MYO9B: variants seen among roughly 807,000 people sequenced by gnomAD.
MYO9B encodes unconventional myosin-IXb.
A neutral mutation model predicts 229.5 loss-of-function variants in MYO9B; 71 were observed. The ratio of observed to expected loss-of-function variants is 0.31; its 90% CI spans 0.26 to 0.38. The LOEUF (loss-of-function observed/expected upper bound fraction) is 0.38, where lower values mean the gene tolerates loss of function less well. MYO9B is among the 10% of genes least tolerant of loss of function. The probability of loss-of-function intolerance (pLI) is 1.00; values close to 1 mark genes in which losing one functional copy is unlikely to be tolerated. For missense variants in MYO9B, 2,255 were observed against 2,920.5 expected, an observed-to-expected ratio of 0.77 and a Z score of 5.25; for synonymous variants, 1,185 against 1,235.8, an observed-to-expected ratio of 0.96 and a Z score of 0.86.
At chr19:17,148,339 A>G (rs1323376986) in intron 3 of MYO9B, among the ~76,000 whole-genome samples, 1 of 152,060 alleles carries the variant, frequency 6.6e-6, no homozygotes, top group African/African-American at 2.4e-5. Context: ...CTCTGTATGC[A>G]TTTCCTAGGA....
At chr19:17,184,571 A>T in intron 16 of MYO9B, 1 of 343,662 alleles carries the variant, frequency 2.9e-6, no homozygotes. Context: ...GGCCAGGTTC[A>T]GTAGCACTGG....
chr19:17,154,648 C>T (rs2072518204), intron 6 of MYO9B, among the ~76,000 whole-genome samples: 1 of 152,172 alleles, frequency 6.6e-6, no homozygotes, highest in Non-Finnish European at 1.5e-5. Context: ...CTTAACACTG[C>T]TGAATTGTAC....
chr19:17,125,297 T>TCCCC (rs67309597), intron 2 of MYO9B, among the ~76,000 whole-genome samples: 2 of 99,736 alleles, frequency 2.0e-5, no homozygotes, highest in African/African-American at 4.1e-5. Flanking sequence ...TAAAACCCCA[T>TCCCC]CCCCCCCCCC....
At chr19:17,117,182 C>A (rs187427489) in intron 2 of MYO9B, among the ~76,000 whole-genome samples, 264 of 152,318 alleles carry the variant, frequency 1.7e-3, no homozygotes, top group Non-Finnish European at 1.6e-3. Flanking sequence ...TCGGCGATGT[C>A]AGCCTCAATG....
intron 18 of MYO9B, 109 bp from the exon 19 acceptor site, chr19:17,187,826 G>A (rs532426461): frequency 1.2e-5 from 10 of 850,330 alleles, no homozygotes; most frequent in African/African-American, 3.4e-5. Flanking sequence ...GGCAGTGGTC[G>A]CATGGGGAAG....
intron 11 of MYO9B, among the ~76,000 whole-genome samples, chr19:17,170,004 A>G (rs1191193217): frequency 2.6e-5 from 4 of 151,052 alleles, no homozygotes; most frequent in Admixed American, 1.3e-4. Flanking sequence ...CACCATGCCC[A>G]GCTAATTTTT....
chr19:17,183,886 C>A lies in MYO9B; in HGVS notation c.2373+18C>A, dbSNP rs1357894297. On this transcript the variant is annotated intron_variant, in intron 16 of 39. Transcript: ENST00000682292. ...TTCCAAAGGTAAAAAAAAAAACACA[C>A]CCCGCGCGACACGTTCCAAGATATC... The A allele has an allele frequency of 9.0e-6, 14 of 1,556,418 alleles. No homozygotes were observed. The highest frequency in any genetic ancestry group is 4.8e-5 in the South Asian group (4 of 83,826).
At chr19:17,209,082 C>T (rs930043815) in intron 35 of MYO9B, among the ~76,000 whole-genome samples, 5 of 152,284 alleles carry the variant, frequency 3.3e-5, no homozygotes, top group Admixed American at 2.6e-4. Flanking sequence ...AGCTGGGTCC[C>T]TCTGATACTG....
At chr19:17,151,006 G>A (rs2072470528) in intron 3 of MYO9B, among the ~76,000 whole-genome samples, 1 of 99,790 alleles carries the variant, frequency 1.0e-5, no homozygotes, top group African/African-American at 2.7e-5. Flanking sequence ...AAGGCCGGGC[G>A]CAGTGGCTCA....
At chr19:17,188,448 A>AAAAAAG (rs1555702889) in intron 19 of MYO9B, among the ~76,000 whole-genome samples, 2 of 122,238 alleles carry the variant, frequency 1.6e-5, no homozygotes, top group African/African-American at 3.3e-5. Flanking sequence ...AAAAAAAAAA[A>AAAAAAG]AAGAAGAAAC....
intron 1 of MYO9B, among the ~76,000 whole-genome samples, chr19:17,092,865 G>A (rs78360333): frequency 0.065 from 9,822 of 152,206 alleles, 343 homozygotes; most frequent in South Asian, 0.11. Context: ...CCATGTGTGT[G>A]CTGTGTTTAT....
intron 2 of MYO9B, among the ~76,000 whole-genome samples, chr19:17,109,437 C>T (rs2057826377): frequency 6.6e-6 from 1 of 152,174 alleles, no homozygotes; most frequent in African/African-American, 2.4e-5. Flanking sequence ...GATTTTCCTC[C>T]ATCATCTCTA....
chr19:17,093,768 C>T (rs1419228743), intron 1 of MYO9B, among the ~76,000 whole-genome samples: 3 of 152,044 alleles, frequency 2.0e-5, no homozygotes, highest in African/African-American at 7.2e-5. Flanking sequence ...TCACTGCTCA[C>T]TGCAGCCTCC....
chr19:17,203,076 C>T (rs1358762211), intron 29 of MYO9B, 71 bp from the exon 30 acceptor site: 9 of 1,407,972 alleles, frequency 6.4e-6, no homozygotes, highest in South Asian at 6.4e-5. Context: ...TCCCATGGGT[C>T]GTCATCCACC....
At position 17,144,969 on chromosome 19, in the gene MYO9B, C is replaced by CAAAAAAAAAAAAAAAAA. The variant is rs58527501; in HGVS notation, c.841-422_841-406dup. On this transcript the variant is annotated intron_variant, in intron 2 of 39. Coordinates refer to ENST00000682292, the MANE Select transcript of MYO9B (RefSeq NM_004145.4). ...AAGGCAACAGAGCGAGACTTCATCT[C>CAAAAAAAAAAAAAAAAA]AAAAAAAAAAAAAAAAAAAAAAGAA... Among the ~76,000 whole-genome samples the CAAAAAAAAAAAAAAAAA allele has an allele frequency of 4.8e-5, 4 of 83,556 alleles. 1 individual carries two copies. Among genetic ancestry groups the CAAAAAAAAAAAAAAAAA allele is most frequent in the Non-Finnish European group, 1.1e-4 (4 of 35,850 alleles). 54.8% of individuals were successfully genotyped at this position (83,556 alleles called of 152,430 possible).
chr19:17,195,228 C>T lies in MYO9B; in HGVS notation c.3801C>T (p.Ser1267=), dbSNP rs369057835. 2.1e-5 allele frequency: 34 copies of T among 1,611,330 alleles called. No homozygotes were observed. The Middle Eastern group carries it at 4.9e-4, about 23-fold the overall frequency. Residue 1267 remains serine, a synonymous_variant, in exon 22 of 40, where the codon AGC becomes AGT. Coordinates refer to ENST00000682292, the MANE Select transcript of MYO9B (RefSeq NM_004145.4). This position sits in a 1 kb window ranked among gnomAD's most constrained non-coding sequence, Gnocchi z 4.5. Reference sequence around the variant, plus strand: ...GGGTCAGCCCACCGGCCCCTGGCAGCGCCCCCGAGACCCCCGAGGACAAGA... The same window carrying T: ...GGGTCAGCCCACCGGCCCCTGGCAGTGCCCCCGAGACCCCCGAGGACAAGA... The part of the protein sequence containing the change: ...DSRVSPPAPG[S]APETPEDKSK...
At chr19:17,140,462 C>T (rs2072324081) in intron 2 of MYO9B, among the ~76,000 whole-genome samples, 1 of 150,872 alleles carries the variant, frequency 6.6e-6, no homozygotes, top group South Asian at 2.1e-4. Flanking sequence ...AAAGACCTCA[C>T]CTCCTCAACC....
intron 28 of MYO9B, 42 bp downstream of exon 28, chr19:17,202,345 G>C (rs530507593): frequency 5.3e-6 from 8 of 1,510,998 alleles, no homozygotes; most frequent in African/African-American, 4.6e-5. Context: ...GACATGCCAC[G>C]CCTACCCATG....
At chr19:17,154,161 GC>G in intron 5 of MYO9B, 95 bp downstream of exon 5, 1 of 1,364,960 alleles carries the variant, frequency 7.3e-7, no homozygotes. Context: ...GCCTGCCCTG[GC>G]CCCCGAACCC....
Sources: gnomAD v4.1 joint callset for allele counts (sites outside exome capture counted in the v4.1 genomes callset) on GRCh38, gnomAD v4.1.1 for gene constraint, Gnocchi (gnomAD v3.1) non-coding constraint, MANE v1.5 for transcripts, NCBI Gene and HGNC (gene_info 2026-07-23, HGNC 2026-07-21) for gene names.